Variants in ADGRE1 observed in about 807,000 individuals in gnomAD.
The protein encoded by ADGRE1 is adhesion G protein-coupled receptor E1, also known as EGF-like module receptor 1.
A neutral mutation model predicts 102.7 loss-of-function variants in ADGRE1; 82 were observed. The ratio of observed to expected loss-of-function variants is 0.80; its 90% CI spans 0.67 to 0.96. The LOEUF (loss-of-function observed/expected upper bound fraction) is 0.96, where lower values mean the gene tolerates loss of function less well. Among genes scored for constraint, ADGRE1 ranks in the 40% least tolerant of loss-of-function variants. The pLI is 0.00. For synonymous variants in ADGRE1, 398 were observed against 399.6 expected, an observed-to-expected ratio of 1.00 and a Z score of 0.05; for missense variants, 1,032 against 1,085.3, an observed-to-expected ratio of 0.95 and a Z score of 0.69.
In ADGRE1 at chr19:6,911,899, A is replaced by G. The variant is rs550484183; in HGVS notation, c.1123-1754A>G. Among the ~76,000 whole-genome samples the G allele has an allele frequency of 4.6e-5, 7 of 151,652 alleles. No homozygotes were observed. In the South Asian group the frequency reaches 1.3e-3, roughly 27 times the overall value. The stretch of plus-strand genomic sequence containing the variant: ...ACACACATTTACACACATACACCCC[A>G]CACACATTTACACACATACACACAT... On this transcript the variant is annotated intron_variant, in intron 10 of 20. Coordinates refer to ENST00000312053, the MANE Select transcript of ADGRE1 (RefSeq NM_001974.5).
chr19:6,890,342 C>G, intron 1 of ADGRE1, 139 bp from the exon 2 acceptor site: 1 of 696,352 alleles, frequency 1.4e-6, no homozygotes, highest in Admixed American at 3.0e-5. Flanking sequence ...TGTTCCTTAA[C>G]TAGGTTTGTC....
chr19:6,906,741 GC>G (rs1273430752), intron 9 of ADGRE1, among the ~76,000 whole-genome samples: 1 of 152,176 alleles, frequency 6.6e-6, no homozygotes, highest in African/African-American at 2.4e-5. Context: ...CCACTTTGTG[GC>G]CCAAGGTGGC....
intron 13 of ADGRE1, 144 bp downstream of exon 13, chr19:6,919,891 A>G: frequency 1.4e-6 from 1 of 735,532 alleles, no homozygotes; most frequent in South Asian, 1.8e-5. Context: ...CAATTAACAG[A>G]AGCTACCGCT....
At chr19:6,908,019 G>A (rs1313923797) in intron 9 of ADGRE1, among the ~76,000 whole-genome samples, 2 of 152,206 alleles carry the variant, frequency 1.3e-5, no homozygotes, top group African/African-American at 2.4e-5. Context: ...ACTGTGACAT[G>A]TTCATGATGG....
rs78362214 is a variant in ADGRE1 at position 6,904,292 on chromosome 19, A to G, written c.949+110A>G. On this transcript the variant is annotated intron_variant, in intron 8 of 20. Transcript: ENST00000312053. The stretch of plus-strand genomic sequence containing the variant: ...TTCCTCTTAGTGTTGCCTCATCCAC[A>G]TATTCTGTTTCTTTTTCTTCTTCAT... The G allele has an allele frequency of 4.7e-3, 6,311 of 1,351,854 alleles. 244 individuals carry two copies. In the African/African-American group the frequency reaches 0.082, roughly 18 times the overall value. The allele number at this position is 1,351,854 out of a possible 1,614,324, so 83.7% of individuals were successfully genotyped here. A position where few individuals can be genotyped will look rare whatever the true frequency, so the allele number is the denominator to read the frequency against.
At chr19:6,929,545 C>T (rs568651430) in intron 17 of ADGRE1, among the ~76,000 whole-genome samples, 139 of 151,158 alleles carry the variant, frequency 9.2e-4, no homozygotes, top group African/African-American at 3.1e-3. Context: ...TTTTTTTAGA[C>T]GGAGTCTCAC....
intron 13 of ADGRE1, among the ~76,000 whole-genome samples, chr19:6,920,658 C>T (rs2144979111): frequency 6.6e-6 from 1 of 150,740 alleles, no homozygotes; most frequent in East Asian, 2.0e-4. Context: ...TTACGGGTGC[C>T]CACCACATGC....
Position 6,890,536 on chromosome 19 carries a change from C to T in ADGRE1, c.87C>T (p.Asn29=), listed in dbSNP as rs763598946. Residue 29 remains asparagine, a synonymous_variant, in exon 2 of 21, where the codon AAC becomes AAT. Coordinates refer to ENST00000312053, the MANE Select transcript of ADGRE1 (RefSeq NM_001974.5). ...ACATAAGACCCACACGGAAACCAAA[C>T]ACAAAGGGTAAGTTGGCCAGAGAGA... ...EGHIRPTRKP[N]TKGNNCRDST... is the part of the protein sequence containing the mutation. 60 of 1,572,968 alleles carry T rather than the reference C, an allele frequency of 3.8e-5. No homozygotes were observed. The highest frequency in any genetic ancestry group is 5.1e-5 in the Non-Finnish European group (59 of 1,156,982).
intron 20 of ADGRE1, among the ~76,000 whole-genome samples, chr19:6,939,260 G>GTATAGATATATGTATAT (rs1975571643): frequency 6.6e-6 from 1 of 152,028 alleles, no homozygotes. Context: ...TAGTTTTAAT[G>GTATAGATATATGTATAT]AAAAAGACAG....
At chr19:6,931,755 A>G (rs567350011) in intron 17 of ADGRE1, among the ~76,000 whole-genome samples, 1 of 151,864 alleles carries the variant, frequency 6.6e-6, no homozygotes, top group African/African-American at 2.4e-5. Context: ...CCGAGATAAC[A>G]TCACTGCACT....
intron 17 of ADGRE1, among the ~76,000 whole-genome samples, chr19:6,932,481 A>T (rs1271102399): frequency 1.3e-5 from 2 of 152,150 alleles, no homozygotes; most frequent in South Asian, 2.1e-4. Context: ...AAATAAAATA[A>T]AAATAAATAA....
intron 14 of ADGRE1, among the ~76,000 whole-genome samples, chr19:6,922,938 G>C (rs913550815): frequency 1.3e-5 from 2 of 151,948 alleles, no homozygotes; most frequent in African/African-American, 4.8e-5. Flanking sequence ...TTAGCCGGGC[G>C]TGGTGGCGGG....
intron 11 of ADGRE1, among the ~76,000 whole-genome samples, chr19:6,914,117 A>G (rs1293475311): frequency 1.3e-5 from 2 of 152,238 alleles, no homozygotes; most frequent in African/African-American, 4.8e-5. Context: ...GGCTGTGCTC[A>G]AGTACTTCCT....
rs2144974012 is a variant in ADGRE1 at position 6,919,602 on chromosome 19, A to G, written c.1475A>G (p.Glu492Gly). ...SFVGMESVLN[E>G]RFFKDHQAPL... The stretch of plus-strand genomic sequence containing the variant: ...GTGGGCATGGAATCGGTTTTAAATG[A>G]GCGCTTCTTCAAAGACCACCAGGCT... Residue 492 changes from glutamate to glycine, a missense_variant, in exon 13 of 21, where the codon GAG (glutamate) becomes GGG (glycine). By Grantham distance (98) the Glu-to-Gly change is moderately conservative (BLOSUM62 -2). Transcript: ENST00000312053. 1 of 1,613,352 alleles carries G rather than the reference A, an allele frequency of 6.2e-7. No individual in the cohort carries two copies. Among genetic ancestry groups the G allele is most frequent in the East Asian group, 2.2e-5 (1 of 44,820 alleles).
At chr19:6,927,244 TCCTCCCTC>T (rs1261915643) in intron 16 of ADGRE1, among the ~76,000 whole-genome samples, 1 of 119,186 alleles carries the variant, frequency 8.4e-6, no homozygotes, top group Non-Finnish European at 1.7e-5. Flanking sequence ...CCTCCTTCCT[TCCTCCCTC>T]CCTCCCTCCC....
At chr19:6,937,201 G>A (rs371543676) in intron 18 of ADGRE1, 42 bp from the exon 19 acceptor site, 7 of 1,579,056 alleles carry the variant, frequency 4.4e-6, no homozygotes, top group Non-Finnish European at 5.2e-6. Flanking sequence ...AAGGACAATA[G>A]CCACCTCCCA....
chr19:6,928,302 G>A (rs764393423), intron 17 of ADGRE1, 91 bp downstream of exon 17: 1 of 1,608,098 alleles, frequency 6.2e-7, no homozygotes, highest in Non-Finnish European at 8.5e-7. Flanking sequence ...GACGTGTGCA[G>A]CTGAGAGGGT....
chr19:6,919,144 T>C (rs1568353824), intron 12 of ADGRE1, among the ~76,000 whole-genome samples: 1 of 152,086 alleles, frequency 6.6e-6, no homozygotes, highest in Non-Finnish European at 1.5e-5. Context: ...GCGATTCCCC[T>C]GCCTCAGACT....
chr19:6,928,232 C>A (rs944046592), intron 17 of ADGRE1, 21 bp downstream of exon 17: 1 of 1,614,108 alleles, frequency 6.2e-7, no homozygotes, highest in Non-Finnish European at 8.5e-7. Context: ...ACTACAACAG[C>A]CTGGCGAAGT....
Sources: gnomAD v4.1 joint callset for allele counts (sites outside exome capture counted in the v4.1 genomes callset) on GRCh38, gnomAD v4.1.1 for gene constraint, MANE v1.5 for transcripts, NCBI Gene and HGNC (gene_info 2026-07-23, HGNC 2026-07-21) for gene names.